The following FILIP1L variants were observed in gnomAD, a reference collection of about 807,000 sequenced individuals.
FILIP1L encodes filamin A interacting protein 1 like.
FILIP1L carries 55 observed loss-of-function variants against 96.6 expected under a neutral mutation model. That is an observed-to-expected ratio of 0.57 (90% CI 0.46 to 0.71). FILIP1L has a LOEUF of 0.71. Among genes scored for constraint, FILIP1L ranks in the 30% least tolerant of loss-of-function variants. The probability of loss-of-function intolerance (pLI) is 0.00; values close to 1 mark genes in which losing one functional copy is unlikely to be tolerated. For missense variants in FILIP1L, 1,304 were observed against 1,321.2 expected (o/e 0.99, Z 0.20); for synonymous variants, 467 against 473.9 (o/e 0.99, Z 0.19).
intron 4 of FILIP1L, among the ~76,000 whole-genome samples, chr3:99,902,894 A>C (rs1706481939): frequency 6.6e-6 from 1 of 152,198 alleles, no homozygotes; most frequent in African/African-American, 2.4e-5. Flanking sequence ...AAATCTATGA[A>C]AGTGATTTAT....
intron 1 of FILIP1L, among the ~76,000 whole-genome samples, chr3:100,038,919 A>G (rs2065155942): frequency 6.6e-6 from 1 of 152,214 alleles, no homozygotes; most frequent in Non-Finnish European, 1.5e-5. Flanking sequence ...AAAAGAAGAA[A>G]GAATGAACGT....
At chr3:100,028,568 T>G (rs2064968304) in intron 1 of FILIP1L, among the ~76,000 whole-genome samples, 1 of 152,182 alleles carries the variant, frequency 6.6e-6, no homozygotes, top group Admixed American at 6.5e-5. Flanking sequence ...TTACAAAATT[T>G]TTCATTATTT....
chr3:99,930,355 T>C (rs963863624), intron 2 of FILIP1L, among the ~76,000 whole-genome samples: 1 of 152,200 alleles, frequency 6.6e-6, no homozygotes. Context: ...TTCTCCTATA[T>C]GTGTACCAGC....
chr3:100,083,618 T>G lies in FILIP1L; in HGVS notation c.-11+30435A>C, dbSNP rs140789552. On this transcript the variant is annotated intron_variant, in intron 1 of 5. Transcript: ENST00000477258. ...ATTAGTTGCTTAGTGCATGCTTCTT[T>G]ATCTTGTTTGAAATATGAGGCCTAC... Among the ~76,000 whole-genome samples, 537 of 152,386 alleles carry G rather than the reference T, an allele frequency of 3.5e-3. 2 individuals carry two copies. Among genetic ancestry groups the G allele is most frequent in the African/African-American group, 0.012 (511 of 41,592 alleles).
At chr3:100,066,774 GCCCGCC>G (rs2065672616) in intron 1 of FILIP1L, among the ~76,000 whole-genome samples, 1 of 150,444 alleles carries the variant, frequency 6.6e-6, no homozygotes, top group Non-Finnish European at 1.5e-5. Context: ...CTCGTGATCC[GCCCGCC>G]TCGGCCTCCC....
chr3:99,971,238 G>A (rs1708810586), intron 1 of FILIP1L, among the ~76,000 whole-genome samples: 2 of 152,114 alleles, frequency 1.3e-5, no homozygotes, highest in Middle Eastern at 3.4e-3. Flanking sequence ...TACTCGGGAG[G>A]CTGAGGCAGG....
At chr3:99,931,308 C>T (rs1414595321) in intron 1 of FILIP1L, among the ~76,000 whole-genome samples, 1 of 152,136 alleles carries the variant, frequency 6.6e-6, no homozygotes, top group Admixed American at 6.6e-5. Context: ...ACTTCATCCC[C>T]CAAGCATTCC....
chr3:99,998,799 G>C (rs1002861690), intron 1 of FILIP1L, among the ~76,000 whole-genome samples: 2 of 152,186 alleles, frequency 1.3e-5, no homozygotes, highest in African/African-American at 4.8e-5. Flanking sequence ...TCGATCTCCT[G>C]ACCTCGTGAT....
At chr3:100,054,485 A>T (rs1332932946) in intron 1 of FILIP1L, among the ~76,000 whole-genome samples, 10 of 126,228 alleles carry the variant, frequency 7.9e-5, no homozygotes, top group African/African-American at 1.8e-4. Flanking sequence ...ATATTATGTT[A>T]TGTTTTGTTA....
intron 1 of FILIP1L, among the ~76,000 whole-genome samples, chr3:100,102,436 T>G (rs1339503945): frequency 6.6e-6 from 1 of 152,190 alleles, no homozygotes. Context: ...GCCTAAGATG[T>G]GCACAGAAGA....
chr3:99,986,619 G>T (rs1559715104), intron 1 of FILIP1L, among the ~76,000 whole-genome samples: 1 of 152,132 alleles, frequency 6.6e-6, no homozygotes, highest in Non-Finnish European at 1.5e-5. Flanking sequence ...CACATGGAGA[G>T]AAGAAATTGA....
chr3:99,846,417 A>G (rs1252634171), intron 5 of FILIP1L, among the ~76,000 whole-genome samples: 2 of 152,256 alleles, frequency 1.3e-5, no homozygotes, highest in Non-Finnish European at 2.9e-5. Context: ...CTCATGAAGC[A>G]GCAGCATTAT....
Position 100,091,299 on chromosome 3 carries a change from A to G in FILIP1L, c.-11+22754T>C, listed in dbSNP as rs570651948. On this transcript the variant is annotated intron_variant, in intron 1 of 5. Transcript: ENST00000477258. ...GACTCCGTCTCAAAAAAAAAAAAAA[A>G]AAAGAAAAAAGAAACCCTGCCTTTA... Among the ~76,000 whole-genome samples the G allele has an allele frequency of 5.3e-5, 8 of 151,920 alleles. No homozygotes were observed. The East Asian group carries it at 5.8e-4, about 11-fold the overall frequency.
At chr3:99,930,171 G>C in intron 2 of FILIP1L, 142 bp from the exon 3 acceptor site, 1 of 693,866 alleles carries the variant, frequency 1.4e-6, no homozygotes, top group Non-Finnish European at 2.4e-6. Flanking sequence ...TTTATAAAAG[G>C]TAACAAAACT....
At position 99,840,023 on chromosome 3, in the gene FILIP1L, T is replaced by C. The variant is rs1167870948; in HGVS notation, c.3381+8272A>G. On this transcript the variant is annotated intron_variant, in intron 5 of 5. Transcript: ENST00000477258. The stretch of plus-strand genomic sequence containing the variant: ...ATTTAGCCATGTCTGGAGATATTAT[T>C]GTCACAGTTGGGGGATGCTACATGG... Among the ~76,000 whole-genome samples, 4 of 152,100 alleles carry C rather than the reference T, an allele frequency of 2.6e-5. No homozygotes were observed. The East Asian group carries it at 7.7e-4, about 29-fold the overall frequency.
intron 1 of FILIP1L, among the ~76,000 whole-genome samples, chr3:100,048,614 C>A (rs1346403360): frequency 6.6e-6 from 1 of 152,122 alleles, no homozygotes; most frequent in Non-Finnish European, 1.5e-5. Context: ...TCTTGCACCA[C>A]TTTTTTGGAC....
intron 1 of FILIP1L, among the ~76,000 whole-genome samples, chr3:99,988,339 TCC>T (rs1391028111): frequency 0.026 from 722 of 28,312 alleles, 34 homozygotes; most frequent in African/African-American, 0.052. Flanking sequence ...CTACTAAAAA[TCC>T]AAAAAAAAAA....
chr3:99,836,332 T>C (rs1942894018), intron 5 of FILIP1L, among the ~76,000 whole-genome samples: 1 of 152,130 alleles, frequency 6.6e-6, no homozygotes, highest in Non-Finnish European at 1.5e-5. Flanking sequence ...GGGAAGGTGA[T>C]GGACCATCAA....
intron 3 of FILIP1L, among the ~76,000 whole-genome samples, chr3:99,928,691 T>C (rs189092584): frequency 4.9e-4 from 75 of 152,336 alleles, no homozygotes; most frequent in African/African-American, 1.8e-3. Context: ...TTGTAGAGTT[T>C]TGTTAGGGTT....
Sources: allele counts gnomAD v4.1 joint callset (sites outside exome capture counted in the v4.1 genomes callset), GRCh38; gene constraint gnomAD v4.1.1; transcripts MANE v1.5; gene names NCBI Gene and HGNC (gene_info 2026-07-23, HGNC 2026-07-21).